Variants in ANKRD11 observed in about 807,000 individuals in gnomAD.
The protein encoded by ANKRD11 is ankyrin repeat domain 11.
A neutral mutation model predicts 195.7 loss-of-function variants in ANKRD11; 17 were observed. The observed-to-expected ratio is 0.09, with a 90% confidence interval of 0.06 to 0.13. The LOEUF (loss-of-function observed/expected upper bound fraction) is 0.13. Ranked by LOEUF, ANKRD11 falls within the 10% of genes least tolerant of loss-of-function variation. ANKRD11 has a pLI of 1.00. For missense variants in ANKRD11, 3,735 were observed against 3,566.1 expected, an observed-to-expected ratio of 1.05 and a Z score of -1.21; for synonymous variants, 1,953 against 1,528.1, an observed-to-expected ratio of 1.28 and a Z score of -6.49.
intron 7 of ANKRD11, chr16:89,286,761 G>C: frequency 1.9e-5 from 25 of 1,287,074 alleles, no homozygotes; most frequent in Non-Finnish European, 2.4e-5. Context: ...GACTGACAGA[G>C]ACAACCATGG....
At chr16:89,385,866 T>C (rs1043002558) in intron 2 of ANKRD11, among the ~76,000 whole-genome samples, 1 of 152,154 alleles carries the variant, frequency 6.6e-6, no homozygotes, top group African/African-American at 2.4e-5. Flanking sequence ...CGCCAAGAGC[T>C]CCATTTGTGA....
chr16:89,356,553 C>T, intron 2 of ANKRD11, among the ~76,000 whole-genome samples: 1 of 150,324 alleles, frequency 6.7e-6, no homozygotes, highest in South Asian at 2.1e-4. Flanking sequence ...GGGCGGATCA[C>T]GAGGTCAGGA....
At chr16:89,458,284 G>C (rs530543562) in intron 1 of ANKRD11, among the ~76,000 whole-genome samples, 1 of 151,918 alleles carries the variant, frequency 6.6e-6, no homozygotes, top group East Asian at 1.9e-4. Flanking sequence ...GAGTGCAGTG[G>C]CGCGATCTCC....
intron 1 of ANKRD11, among the ~76,000 whole-genome samples, chr16:89,449,263 G>A (rs1233105898): frequency 6.6e-6 from 1 of 152,038 alleles, no homozygotes; most frequent in Non-Finnish European, 1.5e-5. Flanking sequence ...CTACTTGGAG[G>A]CTGAGGTGGG....
chr16:89,285,508 T>C lies in ANKRD11; in HGVS notation c.1034A>G (p.Asp345Gly). ...GTCGTCCTCATCAAACTCATACTCGTCCTTGACGGGGGCCGTGGCCTTCTG... is the reference window on the plus strand; with the variant it reads ...GTCGTCCTCATCAAACTCATACTCGCCCTTGACGGGGGCCGTGGCCTTCTG... ...EPQKATAPVK[D>G]EYEFDEDDEQ... Residue 345 changes from aspartate to glycine, a missense_variant, in exon 9 of 13, where the codon GAC becomes GGC. Physicochemically the swap from Asp to Gly is moderately conservative, Grantham distance 94. Transcript: ENST00000301030. The surrounding 1 kb of genome is among the most constrained non-coding windows in gnomAD (Gnocchi z 5.6). The C allele has an allele frequency of 6.2e-7, 1 of 1,614,146 alleles. No individual in the cohort carries two copies.
At chr16:89,327,175 A>C (rs775469994) in intron 2 of ANKRD11, among the ~76,000 whole-genome samples, 1 of 152,236 alleles carries the variant, frequency 6.6e-6, no homozygotes, top group African/African-American at 2.4e-5. Flanking sequence ...CTCAACCATC[A>C]ATCAGTCAAC....
chr16:89,430,363 CG>C (rs1567794621), intron 1 of ANKRD11, among the ~76,000 whole-genome samples: 1 of 147,370 alleles, frequency 6.8e-6, no homozygotes, highest in East Asian at 2.0e-4. Flanking sequence ...TCAACTCTCA[CG>C]CTCAGTCGTT....
At chr16:89,364,733 A>G (rs986196227) in intron 2 of ANKRD11, among the ~76,000 whole-genome samples, 5 of 152,212 alleles carry the variant, frequency 3.3e-5, no homozygotes, top group Admixed American at 1.3e-4. Flanking sequence ...CGCGGGCTGG[A>G]CAAGCTTGCC....
intron 3 of ANKRD11, 70 bp downstream of exon 3, chr16:89,316,841 GGAGAACAGGCCACAGGCGGGCA>G: frequency 6.9e-7 from 1 of 1,457,102 alleles, no homozygotes; most frequent in Non-Finnish European, 9.4e-7. Flanking sequence ...GCCGGAGGGC[GGAGAACAGGCCACAGGCGGGCA>G]GCACCCCATT....
intron 1 of ANKRD11, among the ~76,000 whole-genome samples, chr16:89,457,194 C>T (rs2056477186): frequency 6.6e-6 from 1 of 150,554 alleles, no homozygotes; most frequent in Non-Finnish European, 1.5e-5. Flanking sequence ...CTCCTGACCT[C>T]GTGATCCGCC....
chr16:89,416,247 T>C (rs552275575), intron 2 of ANKRD11, among the ~76,000 whole-genome samples: 3 of 151,986 alleles, frequency 2.0e-5, no homozygotes, highest in African/African-American at 7.3e-5. Flanking sequence ...GTCAGCAGAG[T>C]TGCTGATAGC....
intron 1 of ANKRD11, chr16:89,489,223 A>ACACACG (rs958282014): frequency 9.6e-6 from 1 of 104,240 alleles, no homozygotes; most frequent in Non-Finnish European, 2.2e-5. Context: ...ACACACACAC[A>ACACACG]CACGCGCGCG....
At chr16:89,274,449 G>A (rs2033463952) in intron 11 of ANKRD11, among the ~76,000 whole-genome samples, 1 of 152,214 alleles carries the variant, frequency 6.6e-6, no homozygotes, top group Non-Finnish European at 1.5e-5. Flanking sequence ...GTGCCTGAGA[G>A]CAGCAGGTGG....
At position 89,418,270 on chromosome 16, in the gene ANKRD11, C is replaced by CAGTG; in HGVS notation, c.-60+10_-60+13dup. ...CAAAAACATAAATTGATAGAGAATG[C>CAGTG]AGTGAGTATTTACCGATTCCATAGC... On this transcript the variant is annotated intron_variant, in intron 2 of 12. Coordinates refer to ENST00000301030, the MANE Select transcript of ANKRD11 (RefSeq NM_013275.6). 1 of 453,814 alleles carries CAGTG rather than the reference C, an allele frequency of 2.2e-6. No homozygotes were observed. Among genetic ancestry groups the CAGTG allele is most frequent in the Non-Finnish European group, 4.4e-6 (1 of 226,606 alleles). 28.1% of individuals were successfully genotyped at this position (453,814 alleles called of 1,614,324 possible).
intron 9 of ANKRD11, 26 bp from the exon 10 acceptor site, chr16:89,275,217 G>T: frequency 6.4e-7 from 1 of 1,573,958 alleles, no homozygotes; most frequent in East Asian, 2.3e-5. Flanking sequence ...GAGTGTGGGG[G>T]GTCAGCTGGG....
At chr16:89,351,730 C>T (rs992335210) in intron 2 of ANKRD11, among the ~76,000 whole-genome samples, 5 of 152,154 alleles carry the variant, frequency 3.3e-5, no homozygotes, top group Non-Finnish European at 5.9e-5. Flanking sequence ...TCAGAGAGGA[C>T]GCAGAGGCTG....
intron 1 of ANKRD11, among the ~76,000 whole-genome samples, chr16:89,445,148 A>C (rs2043727765): frequency 6.6e-6 from 1 of 152,252 alleles, no homozygotes; most frequent in Non-Finnish European, 1.5e-5. Context: ...AGAGGAGGCA[A>C]ATGTTAACGG....
At chr16:89,375,503 G>A (rs903470106) in intron 2 of ANKRD11, among the ~76,000 whole-genome samples, 9 of 151,822 alleles carry the variant, frequency 5.9e-5, no homozygotes, top group East Asian at 1.9e-4. Context: ...CTTGTCGCCC[G>A]GGCTGGAGTG....
intron 2 of ANKRD11, among the ~76,000 whole-genome samples, chr16:89,339,638 G>A (rs1026869977): frequency 6.6e-6 from 1 of 152,106 alleles, no homozygotes; most frequent in African/African-American, 2.4e-5. Flanking sequence ...ATTAGCAATA[G>A]CTAATGTTTC....
Sources: allele counts gnomAD v4.1 joint callset (sites outside exome capture counted in the v4.1 genomes callset), GRCh38; gene constraint gnomAD v4.1.1; non-coding constraint Gnocchi (gnomAD v3.1); transcripts MANE v1.5; gene names NCBI Gene and HGNC (gene_info 2026-07-23, HGNC 2026-07-21).